The following EPHA6 variants were observed in gnomAD, a reference collection of about 807,000 sequenced individuals.
EPHA6 encodes EPH receptor A6.
Under a neutral mutation model 112.0 loss-of-function variants are expected in EPHA6, and 50 were observed. The observed-to-expected ratio is 0.45, with a 90% CI of 0.36 to 0.56. The LOEUF (loss-of-function observed/expected upper bound fraction) is 0.56. Ranked by LOEUF, EPHA6 falls within the 20% of genes least tolerant of loss-of-function variation. The pLI is 0.00. For missense variants in EPHA6, 1,280 were observed against 1,417.4 expected (o/e 0.90, Z 1.56); for synonymous variants, 529 against 490.7 (o/e 1.08, Z -1.03).
At chr3:97,003,788 A>ACCC (rs551821028) in intron 3 of EPHA6, among the ~76,000 whole-genome samples, 5 of 59,862 alleles carry the variant, frequency 8.4e-5, no homozygotes, top group African/African-American at 2.5e-4. Context: ...CCTTCCCCTC[A>ACCC]CCCCCCCACC....
intron 14 of EPHA6, among the ~76,000 whole-genome samples, chr3:97,703,546 T>C (rs1471627069): frequency 6.6e-6 from 1 of 152,106 alleles, no homozygotes; most frequent in African/African-American, 2.4e-5. Flanking sequence ...TTACACATCA[T>C]ATAAAGTTTT....
At chr3:96,967,463 A>G (rs1294636170) in intron 2 of EPHA6, among the ~76,000 whole-genome samples, 2 of 151,632 alleles carry the variant, frequency 1.3e-5, no homozygotes, top group African/African-American at 4.8e-5. Context: ...TCACTTTGCC[A>G]CAATTATTTT....
At chr3:97,522,740 CT>C (rs1222419996) in intron 10 of EPHA6, among the ~76,000 whole-genome samples, 2 of 151,952 alleles carry the variant, frequency 1.3e-5, no homozygotes, top group African/African-American at 4.8e-5. Flanking sequence ...TTCAAATTTT[CT>C]TTTATTTTTC....
In EPHA6 at chr3:97,753,627, T is replaced by C. The variant is rs919804733; in HGVS notation, c.*4926T>C. On this transcript the variant is annotated 3_prime_UTR_variant, in exon 18 of 18. Coordinates refer to ENST00000389672, the MANE Select transcript of EPHA6 (RefSeq NM_001080448.3). ...TCCTGTTAGAAAACATTAGCTTTTT[T>C]TCAAGAGCAATTCTGGAGTAATCTC... 1.3e-5 allele frequency among the ~76,000 whole-genome samples: 2 copies of C among 152,190 alleles called. No homozygotes were observed. Among genetic ancestry groups the C allele is most frequent in the Admixed American group, 1.3e-4 (2 of 15,274 alleles).
At chr3:97,675,061 A>G (rs2031232711) in intron 14 of EPHA6, among the ~76,000 whole-genome samples, 1 of 152,166 alleles carries the variant, frequency 6.6e-6, no homozygotes, top group East Asian at 1.9e-4. Flanking sequence ...CTAAGAAACA[A>G]CAGCACATTA....
intron 13 of EPHA6, among the ~76,000 whole-genome samples, chr3:97,619,384 A>G (rs893676329): frequency 2.1e-5 from 3 of 142,494 alleles, no homozygotes; most frequent in African/African-American, 5.1e-5. Flanking sequence ...CACCACTCCT[A>G]TTCAACATAG....
At chr3:97,700,743 T>C (rs931465136) in intron 14 of EPHA6, among the ~76,000 whole-genome samples, 3 of 152,194 alleles carry the variant, frequency 2.0e-5, no homozygotes, top group African/African-American at 4.8e-5. Flanking sequence ...ATGTATATTA[T>C]GTAAAATTGC....
At chr3:97,541,548 C>T (rs892678186) in intron 11 of EPHA6, among the ~76,000 whole-genome samples, 6 of 152,040 alleles carry the variant, frequency 3.9e-5, no homozygotes, top group African/African-American at 1.2e-4. Context: ...TTCGCTGCTC[C>T]AGGATCCAGT....
intron 5 of EPHA6, among the ~76,000 whole-genome samples, chr3:97,291,923 G>A (rs557716992): frequency 3.9e-4 from 59 of 152,358 alleles, no homozygotes; most frequent in South Asian, 4.1e-4. Context: ...GTGCCTGGCA[G>A]GTTGCACTCT....
intron 14 of EPHA6, chr3:97,646,251 G>T: frequency 5.2e-6 from 8 of 1,535,196 alleles, no homozygotes; most frequent in Non-Finnish European, 7.0e-6. Context: ...AAACAGAAGG[G>T]CCATGGGAGC....
At chr3:97,247,284 T>G (rs545152948) in intron 5 of EPHA6, among the ~76,000 whole-genome samples, 1 of 151,986 alleles carries the variant, frequency 6.6e-6, no homozygotes, top group Non-Finnish European at 1.5e-5. Context: ...TTCATAAACT[T>G]TCAATTTATT....
chr3:97,289,577 A>T (rs2080605108), intron 5 of EPHA6, among the ~76,000 whole-genome samples: 1 of 152,074 alleles, frequency 6.6e-6, no homozygotes, highest in South Asian at 2.1e-4. Context: ...TTTTGGTTCC[A>T]TATGCATTTT....
intron 3 of EPHA6, among the ~76,000 whole-genome samples, chr3:97,023,739 A>G (rs540600800): frequency 1.3e-5 from 2 of 152,176 alleles, no homozygotes; most frequent in South Asian, 4.1e-4. Context: ...AAATCCTCCA[A>G]TAAGGAAATA....
At chr3:97,681,114 C>A (rs2031828241) in intron 14 of EPHA6, among the ~76,000 whole-genome samples, 1 of 151,954 alleles carries the variant, frequency 6.6e-6, no homozygotes, top group Non-Finnish European at 1.5e-5. Flanking sequence ...ATACAAATGA[C>A]AATAAATATA....
At chr3:97,279,161 G>A (rs1008488878) in intron 5 of EPHA6, among the ~76,000 whole-genome samples, 1 of 152,086 alleles carries the variant, frequency 6.6e-6, no homozygotes, top group African/African-American at 2.4e-5. Flanking sequence ...TATGAAAAGG[G>A]CCAGAACATC....
chr3:97,127,600 A>T (rs184459482), intron 3 of EPHA6, among the ~76,000 whole-genome samples: 4 of 151,978 alleles, frequency 2.6e-5, no homozygotes, highest in East Asian at 2.0e-4. Flanking sequence ...GCATGCCTGT[A>T]GTTCCAGCTG....
At chr3:97,064,076 T>C (rs1001760520) in intron 3 of EPHA6, among the ~76,000 whole-genome samples, 1 of 152,206 alleles carries the variant, frequency 6.6e-6, no homozygotes, top group African/African-American at 2.4e-5. Context: ...ATCTTGGTTC[T>C]GGATCCAGCA....
chr3:97,328,656 T>A (rs769254055), intron 5 of EPHA6, among the ~76,000 whole-genome samples: 2 of 152,084 alleles, frequency 1.3e-5, no homozygotes, highest in Non-Finnish European at 2.9e-5. Flanking sequence ...GATTTTCTTT[T>A]CATCCTTACT....
At chr3:96,979,016 T>C (rs371476635) in intron 2 of EPHA6, among the ~76,000 whole-genome samples, 3 of 152,300 alleles carry the variant, frequency 2.0e-5, no homozygotes, top group East Asian at 1.9e-4. Flanking sequence ...TTTTTGTTAA[T>C]ATGAAGTGAT....
Sources: gnomAD v4.1 joint callset for allele counts (sites outside exome capture counted in the v4.1 genomes callset) on GRCh38, gnomAD v4.1.1 for gene constraint, MANE v1.5 for transcripts, NCBI Gene and HGNC (gene_info 2026-07-23, HGNC 2026-07-21) for gene names.